The following CD58 variants were observed in gnomAD, a reference collection of about 807,000 sequenced individuals.
CD58 encodes the protein CD58 molecule.
A neutral mutation model predicts 27.6 loss-of-function variants in CD58; 14 were observed. The ratio of observed to expected loss-of-function variants is 0.51; its 90% CI spans 0.34 to 0.79. CD58 has a LOEUF of 0.79. CD58 is among the 30% of genes least tolerant of loss of function. The pLI, the probability that CD58 is intolerant of heterozygous loss-of-function variation, is 0.02. For missense variants in CD58, 268 were observed against 301.7 expected (o/e 0.89, Z 0.83); for synonymous variants, 117 against 103.8 (o/e 1.13, Z -0.77).
chr1:116,566,352 G>A (rs187350491), intron 1 of CD58, among the ~76,000 whole-genome samples: 8 of 152,320 alleles, frequency 5.3e-5, no homozygotes, highest in African/African-American at 1.9e-4. Flanking sequence ...AGAGGCAGAA[G>A]AACTAAGCAG....
Position 116,534,115 on chromosome 1 carries a change from C to A in CD58, c.628+1850G>T. 1 of 747,840 alleles carries A rather than the reference C, an allele frequency of 1.3e-6. No individual in the cohort carries two copies. Among genetic ancestry groups the A allele is most frequent in the South Asian group, 1.4e-5 (1 of 72,594 alleles). The allele number at this position is 747,840 out of a possible 1,614,324, so 46.3% of individuals were successfully genotyped here. A position where few individuals can be genotyped will look rare whatever the true frequency, so the allele number is the denominator to read the frequency against. ...CATCTGAATGTTTTTATCCCCTTGT[C>A]TGGTAAACCAAGTCCCGTGAGTAAC... On this transcript the variant is annotated intron_variant, in intron 3 of 5. Coordinates refer to ENST00000369489, the MANE Select transcript of CD58 (RefSeq NM_001779.3). This position sits in a 1 kb window ranked among gnomAD's most constrained non-coding sequence, Gnocchi z 5.3.
intron 1 of CD58, among the ~76,000 whole-genome samples, chr1:116,556,117 T>C (rs1658549634): frequency 6.6e-6 from 1 of 151,680 alleles, no homozygotes; most frequent in South Asian, 2.1e-4. Context: ...TAGCTGGGCG[T>C]GGTGGCACTC....
chr1:116,532,448 A>G lies in CD58; in HGVS notation c.628+3517T>C, dbSNP rs868291864. The stretch of plus-strand genomic sequence containing the variant: ...CCTTCTGAGATGATTAGCATACAGC[A>G]GGTGATGCAGGCTGCACACTCAGCA... On this transcript the variant is annotated intron_variant, in intron 3 of 5. Coordinates refer to ENST00000369489, the MANE Select transcript of CD58 (RefSeq NM_001779.3). This position sits in a 1 kb window ranked among gnomAD's most constrained non-coding sequence, Gnocchi z 5.1. Among the ~76,000 whole-genome samples, 1 of 152,254 alleles carries G rather than the reference A, an allele frequency of 6.6e-6. No individual in the cohort carries two copies. Among genetic ancestry groups the G allele is most frequent in the African/African-American group, 2.4e-5 (1 of 41,474 alleles).
intron 1 of CD58, among the ~76,000 whole-genome samples, chr1:116,556,040 G>T (rs1658547620): frequency 6.6e-6 from 1 of 152,108 alleles, no homozygotes; most frequent in South Asian, 2.1e-4. Flanking sequence ...TGGATCACTT[G>T]AGGTCAGGAG....
In CD58 at chr1:116,524,252, T is replaced by C. The variant is rs1460082756; in HGVS notation, c.629-2269A>G. Among the ~76,000 whole-genome samples, 2 of 152,214 alleles carry C rather than the reference T, an allele frequency of 1.3e-5. No homozygotes were observed. Among genetic ancestry groups the C allele is most frequent in the African/African-American group, 4.8e-5 (2 of 41,450 alleles). ...TCTGGGTGAAGGTGGCCAATCATCC[T>C]GGTTTTCCTGAAACTGAAGAGTTTC... On this transcript the variant is annotated intron_variant, in intron 3 of 5. Coordinates refer to ENST00000369489, the MANE Select transcript of CD58 (RefSeq NM_001779.3). This position sits in a 1 kb window ranked among gnomAD's most constrained non-coding sequence, Gnocchi z 4.6.
chr1:116,539,791 C>T (rs1288185940), intron 2 of CD58, among the ~76,000 whole-genome samples: 2 of 152,154 alleles, frequency 1.3e-5, no homozygotes, highest in African/African-American at 4.8e-5. Flanking sequence ...TCTTGCTGCC[C>T]GTGGGACTTA....
At chr1:116,561,637 T>A (rs1658756899) in intron 1 of CD58, among the ~76,000 whole-genome samples, 2 of 152,208 alleles carry the variant, frequency 1.3e-5, no homozygotes, top group African/African-American at 4.8e-5. Flanking sequence ...AATGTATACA[T>A]GTTGGATATA....
At chr1:116,514,955 G>C (rs1395952333) in intron 5 of CD58, 133 bp from the exon 6 acceptor site, 1 of 605,928 alleles carries the variant, frequency 1.7e-6, no homozygotes, top group Non-Finnish European at 2.9e-6. Flanking sequence ...AAGGGAGCTA[G>C]GGAGCAGGGA....
intron 1 of CD58, chr1:116,560,087 A>G (rs1658708998): frequency 2.6e-5 from 4 of 152,758 alleles, no homozygotes; most frequent in South Asian, 2.1e-4. Context: ...CAAAAACCAC[A>G]ATAACTTTTG....
intron 1 of CD58, among the ~76,000 whole-genome samples, chr1:116,567,718 T>A (rs961953232): frequency 6.6e-6 from 1 of 152,156 alleles, no homozygotes. Flanking sequence ...GAATGAACAA[T>A]GGCTGGAGAA....
chr1:116,552,408 T>C lies in CD58; in HGVS notation c.71-7804A>G, dbSNP rs1256457623. Among the ~76,000 whole-genome samples the C allele has an allele frequency of 6.6e-6, 1 of 152,214 alleles. No individual in the cohort carries two copies. The highest frequency in any genetic ancestry group is 2.4e-5 in the African/African-American group (1 of 41,454). On this transcript the variant is annotated intron_variant, in intron 1 of 5. Coordinates refer to ENST00000369489, the MANE Select transcript of CD58 (RefSeq NM_001779.3). The surrounding 1 kb of genome is among the most constrained non-coding windows in gnomAD (Gnocchi z 4.5). ...GAAAAAGCGTTAAATATTGTGGGAATTACTAAAATGTAACAGAGAGACAAA... is the reference window on the plus strand; with the variant it reads ...GAAAAAGCGTTAAATATTGTGGGAACTACTAAAATGTAACAGAGAGACAAA...
rs996660400 is a variant in CD58, at chr1:116,541,921, T to G, written c.364+2390A>C. Among the ~76,000 whole-genome samples the G allele has an allele frequency of 6.6e-6, 1 of 152,186 alleles. No individual in the cohort carries two copies. The highest frequency in any genetic ancestry group is 2.4e-5 in the African/African-American group (1 of 41,448). On this transcript the variant is annotated intron_variant, in intron 2 of 5. Coordinates refer to ENST00000369489, the MANE Select transcript of CD58 (RefSeq NM_001779.3). This position sits in a 1 kb window ranked among gnomAD's most constrained non-coding sequence, Gnocchi z 5.3. ...GGCTTAAGCCTTGATGTTTCCAGTG[T>G]TAAGAGGTTGGGGAAACAAGGAAAC...
chr1:116,551,743 T>C (rs1405150396), intron 1 of CD58, among the ~76,000 whole-genome samples: 3 of 150,984 alleles, frequency 2.0e-5, no homozygotes, highest in Non-Finnish European at 4.4e-5. Flanking sequence ...TCTTTCTTTT[T>C]TTTTTTTTTT....
In CD58 at chr1:116,536,211, T is replaced by C. The variant is rs1657801701; in HGVS notation, c.382A>G (p.Thr128Ala). The change falls in exon 3 of 6, where the codon ACA (threonine) becomes GCA (alanine). Residue 128 changes from threonine (T) to alanine (A), a missense_variant. Physicochemically the swap from Thr to Ala is moderately conservative, Grantham distance 58. Transcript: ENST00000369489. This position sits in a 1 kb window ranked among gnomAD's most constrained non-coding sequence, Gnocchi z 5.4. ...CCATTAGTCAATGCACAAGTTAGTG[T>C]GGGAGATGGAAGAGACTCTGGAAAA... is the stretch of plus-strand genomic sequence containing the variant. The part of the protein sequence containing the change: ...LYVLESLPSP[T>A]LTCALTNGSI... The C allele has an allele frequency of 6.2e-7, 1 of 1,610,392 alleles. No individual in the cohort carries two copies. The highest frequency in any genetic ancestry group is 1.3e-5 in the African/African-American group (1 of 74,814).
Position 116,555,192 on chromosome 1 carries a change from C to G in CD58, c.71-10588G>C, listed in dbSNP as rs534830467. Among the ~76,000 whole-genome samples, 4 of 152,086 alleles carry G rather than the reference C, an allele frequency of 2.6e-5. No individual in the cohort carries two copies. The South Asian group carries it at 8.3e-4, about 32-fold the overall frequency. ...AACAGAGAGTGCCCAGATTTTGAAG[C>G]CAGCAAGGCCCAGGGTGAACTCCCA... On this transcript the variant is annotated intron_variant, in intron 1 of 5. Coordinates refer to ENST00000369489, the MANE Select transcript of CD58 (RefSeq NM_001779.3).
rs1401622772 is a variant in CD58, at chr1:116,544,585, G to A, written c.90C>T (p.Ser30=). ...CATACACAACACCATATATTTGTTG[G>A]GAAAAACAGCTGATGAAACCTAGGA... ...LHCFGFISCF[S]QQIYGVVYGN... is the part of the protein sequence containing the mutation. Residue 30 remains serine (S), a synonymous_variant, in exon 2 of 6, where the codon TCC becomes TCT. Transcript: ENST00000369489. 5 of 1,578,034 alleles carry A rather than the reference G, an allele frequency of 3.2e-6. No individual in the cohort carries two copies. The highest frequency in any genetic ancestry group is 4.3e-6 in the Non-Finnish European group (5 of 1,163,028).
chr1:116,549,368 C>G (rs1241961467), intron 1 of CD58, among the ~76,000 whole-genome samples: 1 of 152,118 alleles, frequency 6.6e-6, no homozygotes, highest in Non-Finnish European at 1.5e-5. Flanking sequence ...GTTAACTATG[C>G]CCAGGAGAGC....
intron 5 of CD58, 47 bp from the exon 6 acceptor site, chr1:116,514,869 G>C (rs1333773345): frequency 1.4e-6 from 2 of 1,438,216 alleles, no homozygotes; most frequent in African/African-American, 1.4e-5. Context: ...CAGTAAATCT[G>C]GGCTGCAGAC....
chr1:116,533,794 T>A (rs1657697999), intron 3 of CD58: 1 of 738,972 alleles, frequency 1.4e-6, no homozygotes, highest in Non-Finnish European at 2.5e-6. Flanking sequence ...AAAGAGAGGC[T>A]GGTATAATGC....
Sources: allele counts gnomAD v4.1 joint callset (sites outside exome capture counted in the v4.1 genomes callset), GRCh38; gene constraint gnomAD v4.1.1; non-coding constraint Gnocchi (gnomAD v3.1); transcripts MANE v1.5; gene names NCBI Gene and HGNC (gene_info 2026-07-23, HGNC 2026-07-21).